Variants in TTC21A observed in about 807,000 individuals in gnomAD.
TTC21A encodes the protein tetratricopeptide repeat protein 21A.
A neutral mutation model predicts 156.4 loss-of-function variants in TTC21A; 128 were observed. The observed-to-expected ratio is 0.82, with a 90% CI of 0.71 to 0.95. The LOEUF is 0.95. Ranked by LOEUF, TTC21A falls within the 40% of genes least tolerant of loss-of-function variation. The pLI, the probability that TTC21A is intolerant of heterozygous loss-of-function variation, is 0.00. For missense variants in TTC21A, 1,435 were observed against 1,602.3 expected (o/e 0.90, Z 1.78); for synonymous variants, 587 against 617.1 (o/e 0.95, Z 0.72).
In TTC21A at chr3:39,138,275, CA is replaced by C; in HGVS notation, c.3686del (p.Lys1229ArgfsTer46). The stretch of plus-strand genomic sequence containing the variant: ...ACTGGCTTTCCCTGCAGTCCTGCTA[CA>C]AGGCCTATGAGTACATGGGCTTCAT... ...RCVQYNKSCY[K>X]AYEYMGFIME... On this transcript the variant is annotated frameshift_variant, in exon 27 of 29. Transcript: ENST00000683103. LOFTEE classifies it high-confidence loss of function. 6.2e-7 allele frequency: 1 copy of C among 1,614,116 alleles called. No homozygotes were observed.
chr3:39,110,761 G>A, intron 3 of TTC21A, 90 bp from the exon 4 acceptor site: 1 of 1,434,722 alleles, frequency 7.0e-7, no homozygotes, highest in Non-Finnish European at 9.7e-7. Context: ...GAGACCCCGA[G>A]GTAGTTCCCT....
chr3:39,120,092 C>G lies in TTC21A; in HGVS notation c.900+72C>G, dbSNP rs1274791881. 9 of 1,156,144 alleles carry G rather than the reference C, an allele frequency of 7.8e-6. No individual in the cohort carries two copies. The South Asian group carries it at 7.8e-5, about 10-fold the overall frequency. The allele number at this position is 1,156,144 out of a possible 1,614,324, so 71.6% of individuals were successfully genotyped here. On this transcript the variant is annotated intron_variant, in intron 8 of 28. Coordinates refer to ENST00000683103, the MANE Select transcript of TTC21A (RefSeq NM_001366900.1). The stretch of plus-strand genomic sequence containing the variant: ...TCCTTAGAGGAGAACTGTGCTCCCC[C>G]AGGAAGCTCCTTGAGTGCCTTACCC...
rs550972846 is a variant in TTC21A at position 39,136,259 on chromosome 3, A to AT, written c.2945-97dup. The AT allele has an allele frequency of 6.7e-4, 890 of 1,325,418 alleles. 2 individuals are homozygous for AT. Among genetic ancestry groups the AT allele is most frequent in the Middle Eastern group, 2.1e-3 (11 of 5,302 alleles). 82.1% of individuals were successfully genotyped at this position (1,325,418 alleles called of 1,614,324 possible). ...GTTGGAATGTCCCTGCTCAGCCCAG[A>AT]TGGGCAGTATCTCTTGGCTTCTCCT... is the stretch of plus-strand genomic sequence containing the variant. On this transcript the variant is annotated intron_variant, in intron 22 of 28. Coordinates refer to ENST00000683103, the MANE Select transcript of TTC21A (RefSeq NM_001366900.1).
chr3:39,126,484 A>G (rs1266610095), intron 12 of TTC21A, 94 bp downstream of exon 12: 2 of 730,332 alleles, frequency 2.7e-6, no homozygotes, highest in African/African-American at 5.1e-5. Flanking sequence ...CTACACACAC[A>G]CACACACACA....
At position 39,130,624 on chromosome 3, in the gene TTC21A, G is replaced by T; in HGVS notation, c.2320-77G>T. 1 of 1,565,560 alleles carries T rather than the reference G, an allele frequency of 6.4e-7. No homozygotes were observed. Among genetic ancestry groups the T allele is most frequent in the Non-Finnish European group, 8.7e-7 (1 of 1,146,684 alleles). On this transcript the variant is annotated intron_variant, in intron 17 of 28. Coordinates refer to ENST00000683103, the MANE Select transcript of TTC21A (RefSeq NM_001366900.1). This position sits in a 1 kb window ranked among gnomAD's most constrained non-coding sequence, Gnocchi z 4.5. The stretch of plus-strand genomic sequence containing the variant: ...TCTGGAGGGGCACACTGGTGTGATG[G>T]CTGCTGAGGGGAACATGGTGTCGGG...
At chr3:39,124,849 C>T (rs1051220962) in intron 9 of TTC21A, among the ~76,000 whole-genome samples, 7 of 152,050 alleles carry the variant, frequency 4.6e-5, no homozygotes, top group African/African-American at 1.7e-4. Flanking sequence ...TTGTTACAGC[C>T]AGAACATGAG....
intron 8 of TTC21A, among the ~76,000 whole-genome samples, chr3:39,120,701 G>A (rs1386373783): frequency 6.6e-6 from 1 of 152,188 alleles, no homozygotes; most frequent in East Asian, 1.9e-4. Flanking sequence ...GACACATTCA[G>A]CTTCAATTTT....
chr3:39,130,925 C>A lies in TTC21A; in HGVS notation c.2459-67C>A. The A allele has an allele frequency of 6.2e-7, 1 of 1,605,684 alleles. No individual in the cohort carries two copies. Among genetic ancestry groups the A allele is most frequent in the Non-Finnish European group, 8.5e-7 (1 of 1,173,958 alleles). Reference sequence around the variant, plus strand: ...CCATTAGCTGAAGTCCTGATCCCAGCGCTCCCCACCAACACAGCTTCCCAG... The same window carrying A: ...CCATTAGCTGAAGTCCTGATCCCAGAGCTCCCCACCAACACAGCTTCCCAG... On this transcript the variant is annotated intron_variant, in intron 18 of 28. Coordinates refer to ENST00000683103, the MANE Select transcript of TTC21A (RefSeq NM_001366900.1). The surrounding 1 kb of genome is among the most constrained non-coding windows in gnomAD (Gnocchi z 4.5).
In TTC21A at chr3:39,128,312, G is replaced by T; in HGVS notation, c.1523-19G>T. On this transcript the variant is annotated intron_variant, in intron 12 of 28. Transcript: ENST00000683103. ...GCCCTTGGGAACCCTGCATGTAGAGGTTTGTGTATTATTTCTAGGAGAGCT... is the reference window on the plus strand; with the variant it reads ...GCCCTTGGGAACCCTGCATGTAGAGTTTTGTGTATTATTTCTAGGAGAGCT... 2 of 1,613,156 alleles carry T rather than the reference G, an allele frequency of 1.2e-6. 1 individual carries two copies.
At chr3:39,135,021 C>T (rs982047061) in intron 21 of TTC21A, 72 bp from the exon 22 acceptor site, 1 of 1,323,522 alleles carries the variant, frequency 7.6e-7, no homozygotes, top group African/African-American at 1.4e-5. Context: ...ACCCCCATAC[C>T]CCCCGCCTCC....
chr3:39,133,644 C>T (rs973824568), intron 20 of TTC21A, among the ~76,000 whole-genome samples: 1 of 152,122 alleles, frequency 6.6e-6, no homozygotes, highest in Non-Finnish European at 1.5e-5. Flanking sequence ...AGGTGTGGCT[C>T]CAGATAAGGG....
At position 39,138,876 on chromosome 3, in the gene TTC21A, T is replaced by G; in HGVS notation, c.*88T>G. 1 of 1,076,444 alleles carries G rather than the reference T, an allele frequency of 9.3e-7. No homozygotes were observed. The highest frequency in any genetic ancestry group is 1.4e-5 in the South Asian group (1 of 69,600). The allele number at this position is 1,076,444 out of a possible 1,614,324, so 66.7% of individuals were successfully genotyped here. A position where few individuals can be genotyped will look rare whatever the true frequency, so the allele number is the denominator to read the frequency against. On this transcript the variant is annotated 3_prime_UTR_variant, in exon 29 of 29. Coordinates refer to ENST00000683103, the MANE Select transcript of TTC21A (RefSeq NM_001366900.1). ...GAAAGTGGGTCAGTGGAGAAGGGATTCAGAAAATGACACATTCTTCCCCAT... is the reference window on the plus strand; with the variant it reads ...GAAAGTGGGTCAGTGGAGAAGGGATGCAGAAAATGACACATTCTTCCCCAT...
At chr3:39,132,708 A>G in intron 19 of TTC21A, 1 of 360,914 alleles carries the variant, frequency 2.8e-6, no homozygotes, top group Non-Finnish European at 5.1e-6. Context: ...AGAACAGTCT[A>G]CTGTGTGCCT....
intron 22 of TTC21A, among the ~76,000 whole-genome samples, chr3:39,135,921 G>A (rs2039076712): frequency 1.3e-5 from 2 of 152,040 alleles, no homozygotes; most frequent in Non-Finnish European, 2.9e-5. Flanking sequence ...CGGGCGTGGT[G>A]GCGGGTGCCT....
intron 5 of TTC21A, among the ~76,000 whole-genome samples, chr3:39,113,466 T>C (rs1225047845): frequency 6.6e-6 from 1 of 152,182 alleles, no homozygotes; most frequent in Non-Finnish European, 1.5e-5. Context: ...ATCAGTGCCT[T>C]GACACTGGAG....
At position 39,130,629 on chromosome 3, in the gene TTC21A, T is replaced by G. The variant is rs2038652296; in HGVS notation, c.2320-72T>G. The G allele has an allele frequency of 6.3e-7, 1 of 1,580,704 alleles. No homozygotes were observed. The highest frequency in any genetic ancestry group is 1.7e-5 in the Admixed American group (1 of 58,146). On this transcript the variant is annotated intron_variant, in intron 17 of 28. Coordinates refer to ENST00000683103, the MANE Select transcript of TTC21A (RefSeq NM_001366900.1). The surrounding 1 kb of genome is among the most constrained non-coding windows in gnomAD (Gnocchi z 4.5). The stretch of plus-strand genomic sequence containing the variant: ...AGGGGCACACTGGTGTGATGGCTGC[T>G]GAGGGGAACATGGTGTCGGGCACTG...
chr3:39,108,091 C>G (rs2036392658), intron 1 of TTC21A: 1 of 593,518 alleles, frequency 1.7e-6, no homozygotes, highest in Non-Finnish European at 3.0e-6. Context: ...CCCAAACCAG[C>G]TCATCCAATC....
chr3:39,138,740 G>A lies in TTC21A; in HGVS notation c.3894G>A (p.Lys1298=), dbSNP rs1372266194. The A allele has an allele frequency of 2.5e-6, 4 of 1,614,118 alleles. No individual in the cohort carries two copies. The African/African-American group carries it at 4.0e-5, about 16-fold the overall frequency. Residue 1298 remains lysine, a synonymous_variant, in exon 29 of 29, where the codon AAG becomes AAA. Transcript: ENST00000683103. ...TCAGGGAGCACCCCGACTACCCCAA[G>A]ATCAGGGAGGAAATTTTGGAAAAGG... ...DVLREHPDYP[K]IREEILEKAR... is the part of the protein sequence containing the mutation.
chr3:39,108,589 A>G (rs1208889575), intron 1 of TTC21A, among the ~76,000 whole-genome samples: 1 of 152,162 alleles, frequency 6.6e-6, no homozygotes, highest in African/African-American at 2.4e-5. Context: ...CTCCCAACCT[A>G]GCACCCACAA....
Sources: allele counts gnomAD v4.1 joint callset (sites outside exome capture counted in the v4.1 genomes callset), GRCh38; gene constraint gnomAD v4.1.1; non-coding constraint Gnocchi (gnomAD v3.1); transcripts MANE v1.5; gene names NCBI Gene and HGNC (gene_info 2026-07-23, HGNC 2026-07-21).